Variants in ZNRF2 observed in about 807,000 individuals in gnomAD.
The protein encoded by ZNRF2 is E3 ubiquitin-protein ligase ZNRF2.
ZNRF2 carries 16 observed loss-of-function variants against 20.4 expected under a neutral mutation model. The observed-to-expected ratio is 0.79, with a 90% CI of 0.53 to 1.19. The LOEUF (loss-of-function observed/expected upper bound fraction) is 1.19. Among genes scored for constraint, ZNRF2 ranks in the 50% most tolerant of loss-of-function variants. The pLI is 0.00. For synonymous variants in ZNRF2, 178 were observed against 144.9 expected (o/e 1.23, Z -1.64); for missense variants, 363 against 332.4 (o/e 1.09, Z -0.72).
At chr7:30,297,574 G>A (rs1799038581) in intron 1 of ZNRF2, among the ~76,000 whole-genome samples, 2 of 152,164 alleles carry the variant, frequency 1.3e-5, no homozygotes, top group South Asian at 2.1e-4. Flanking sequence ...GTGTTGCCTT[G>A]TTGCCTTCTG....
Position 30,289,043 on chromosome 7 carries a change from C to A in ZNRF2, c.469+3217C>A, listed in dbSNP as rs1207496425. 2.0e-5 allele frequency: 3 copies of A among 152,076 alleles called. No homozygotes were observed. In the East Asian group the frequency reaches 5.8e-4, roughly 29 times the overall value. The allele number at this position is 152,076 out of a possible 1,614,324, so 9.4% of individuals were successfully genotyped here. On this transcript the variant is annotated intron_variant, in intron 1 of 4. Coordinates refer to ENST00000323037, the MANE Select transcript of ZNRF2 (RefSeq NM_147128.4). Reference sequence around the variant, plus strand: ...TATACCAATACATGGAGATTATTTCCAGAGAAATCGTGTGGACTTCTATAA... The same window carrying A: ...TATACCAATACATGGAGATTATTTCAAGAGAAATCGTGTGGACTTCTATAA...
At chr7:30,290,223 A>C (rs1798876835) in intron 1 of ZNRF2, among the ~76,000 whole-genome samples, 1 of 152,250 alleles carries the variant, frequency 6.6e-6, no homozygotes, top group South Asian at 2.1e-4. Context: ...TGGACAAAAC[A>C]TAGGCCTTTT....
Position 30,329,538 on chromosome 7 carries a change from A to G in ZNRF2, c.565+5801A>G, listed in dbSNP as rs138866552. 2.0e-5 allele frequency among the ~76,000 whole-genome samples: 3 copies of G among 152,222 alleles called. No individual in the cohort carries two copies. In the East Asian group the frequency reaches 5.8e-4, roughly 29 times the overall value. On this transcript the variant is annotated intron_variant, in intron 2 of 4. Transcript: ENST00000323037. Reference sequence around the variant, plus strand: ...GTTTTGTTTTTTAAGCTCCCACATAATGAGTGAAAATATGCTATAGTTGTC... The same window carrying G: ...GTTTTGTTTTTTAAGCTCCCACATAGTGAGTGAAAATATGCTATAGTTGTC...
At chr7:30,356,295 A>C (rs1287652649) in intron 3 of ZNRF2, among the ~76,000 whole-genome samples, 1 of 152,112 alleles carries the variant, frequency 6.6e-6, no homozygotes, top group Non-Finnish European at 1.5e-5. Context: ...AAAAAAAAAA[A>C]AGTTTAAGGT....
chr7:30,365,536 C>G (rs915861079), intron 4 of ZNRF2, among the ~76,000 whole-genome samples: 2 of 151,966 alleles, frequency 1.3e-5, no homozygotes, highest in Admixed American at 6.5e-5. Flanking sequence ...TACATTTTTG[C>G]TTCTGTCCTG....
At chr7:30,306,820 A>G (rs1799213772) in intron 1 of ZNRF2, among the ~76,000 whole-genome samples, 2 of 152,138 alleles carry the variant, frequency 1.3e-5, no homozygotes, top group Non-Finnish European at 2.9e-5. Context: ...TGTCCAAATA[A>G]TAAGTAAAAC....
At chr7:30,291,199 G>T (rs774038294) in intron 1 of ZNRF2, among the ~76,000 whole-genome samples, 1 of 152,204 alleles carries the variant, frequency 6.6e-6, no homozygotes, top group Non-Finnish European at 1.5e-5. Context: ...GGATTGTAGG[G>T]TGCATAGAGG....
chr7:30,333,587 C>T (rs577476371), intron 2 of ZNRF2, among the ~76,000 whole-genome samples: 1 of 152,246 alleles, frequency 6.6e-6, no homozygotes, highest in South Asian at 2.1e-4. Context: ...CCAGGCTGGT[C>T]TTGAACTCCT....
At chr7:30,352,707 TGGCTAGTTAG>T (rs1799977433) in intron 2 of ZNRF2, among the ~76,000 whole-genome samples, 1 of 152,062 alleles carries the variant, frequency 6.6e-6, no homozygotes, top group East Asian at 1.9e-4. Context: ...TAATGAGTTT[TGGCTAGTTAG>T]TAGTCTACCC....
intron 2 of ZNRF2, among the ~76,000 whole-genome samples, chr7:30,341,748 G>C (rs1799798492): frequency 6.6e-6 from 1 of 152,148 alleles, no homozygotes; most frequent in Admixed American, 6.5e-5. Context: ...GCTTGGTCCA[G>C]AGCTGAGTTC....
chr7:30,301,122 A>G (rs1445398958), intron 1 of ZNRF2, among the ~76,000 whole-genome samples: 1 of 152,218 alleles, frequency 6.6e-6, no homozygotes, highest in East Asian at 1.9e-4. Flanking sequence ...GGATTGAGAA[A>G]AACAACTGGA....
At chr7:30,363,419 C>T (rs1216607982) in intron 4 of ZNRF2, among the ~76,000 whole-genome samples, 1 of 152,312 alleles carries the variant, frequency 6.6e-6, no homozygotes, top group Middle Eastern at 3.4e-3. Context: ...AGAAACTTGA[C>T]TTTTCAAGTT....
intron 1 of ZNRF2, among the ~76,000 whole-genome samples, chr7:30,287,263 A>G (rs1228170865): frequency 6.6e-6 from 1 of 152,234 alleles, no homozygotes; most frequent in Non-Finnish European, 1.5e-5. Context: ...TATAAAAGGC[A>G]GTTTCTGAGA....
chr7:30,331,020 G>A (rs774191661), intron 2 of ZNRF2, among the ~76,000 whole-genome samples: 1 of 152,130 alleles, frequency 6.6e-6, no homozygotes, highest in South Asian at 2.1e-4. Flanking sequence ...AGCTATTTTT[G>A]ATACTACAAA....
At chr7:30,292,210 A>G (rs574962670) in intron 1 of ZNRF2, among the ~76,000 whole-genome samples, 85 of 152,308 alleles carry the variant, frequency 5.6e-4, no homozygotes, top group African/African-American at 1.9e-3. Context: ...CTGATGTTGA[A>G]GTGTTCTTGT....
intron 1 of ZNRF2, among the ~76,000 whole-genome samples, chr7:30,321,085 C>A (rs776061440): frequency 6.6e-6 from 1 of 152,196 alleles, no homozygotes; most frequent in South Asian, 2.1e-4. Context: ...TGCCCGTTGC[C>A]GTGCCTGGTA....
intron 1 of ZNRF2, among the ~76,000 whole-genome samples, chr7:30,299,846 C>G (rs1245765541): frequency 1.4e-5 from 2 of 140,460 alleles, no homozygotes; most frequent in African/African-American, 5.4e-5. Context: ...GTGGCATGGT[C>G]TCGGCTCACT....
At chr7:30,323,521 CAGTGTAATGCAGTA>C in intron 1 of ZNRF2, 107 bp from the exon 2 acceptor site, 1 of 557,338 alleles carries the variant, frequency 1.8e-6, no homozygotes, top group Non-Finnish European at 3.1e-6. Context: ...TGCACATAAA[CAGTGTAATGCAGTA>C]AGTGTAATAT....
At chr7:30,344,317 A>T (rs923074718) in intron 2 of ZNRF2, among the ~76,000 whole-genome samples, 3 of 151,268 alleles carry the variant, frequency 2.0e-5, no homozygotes, top group Admixed American at 2.0e-4. Flanking sequence ...TATTTCTTAT[A>T]ACTGTATTTC....
Sources: allele counts gnomAD v4.1 joint callset (sites outside exome capture counted in the v4.1 genomes callset), GRCh38; gene constraint gnomAD v4.1.1; transcripts MANE v1.5; gene names NCBI Gene and HGNC (gene_info 2026-07-23, HGNC 2026-07-21).